Variants in KCNK10 observed in about 807,000 individuals in gnomAD.
KCNK10 encodes the protein potassium channel subfamily K member 10.
In KCNK10, 25 loss-of-function variants were observed where a neutral mutation model predicts 47.7. The observed-to-expected ratio is 0.52, with a 90% confidence interval of 0.38 to 0.73. The LOEUF is 0.73. KCNK10 is among the 30% of genes least tolerant of loss of function. KCNK10 has a pLI of 0.00. For synonymous variants in KCNK10, 303 were observed against 285.6 expected (o/e 1.06, Z -0.61); for missense variants, 563 against 714.5 (o/e 0.79, Z 2.42).
intron 1 of KCNK10, among the ~76,000 whole-genome samples, chr14:88,307,708 G>A (rs556251510): frequency 6.6e-6 from 1 of 152,300 alleles, no homozygotes; most frequent in South Asian, 2.1e-4. Context: ...AAGTCGGTGA[G>A]CTAAACATTA....
At chr14:88,242,858 G>A (rs1248104778) in intron 2 of KCNK10, among the ~76,000 whole-genome samples, 9 of 152,062 alleles carry the variant, frequency 5.9e-5, no homozygotes, top group Admixed American at 3.3e-4. Flanking sequence ...AAATAATACC[G>A]CAGGGAGGGC....
At chr14:88,291,983 G>A (rs1033530156) in intron 1 of KCNK10, among the ~76,000 whole-genome samples, 4 of 152,158 alleles carry the variant, frequency 2.6e-5, no homozygotes, top group Non-Finnish European at 2.9e-5. Flanking sequence ...CTGAGAGGCC[G>A]GGGGTGTCAT....
chr14:88,231,863 T>C (rs762190458), intron 3 of KCNK10, among the ~76,000 whole-genome samples: 2 of 152,264 alleles, frequency 1.3e-5, no homozygotes, highest in Non-Finnish European at 2.9e-5. Context: ...AGTGCTTTGA[T>C]ATCCTCAGAT....
intron 1 of KCNK10, among the ~76,000 whole-genome samples, chr14:88,303,522 A>C (rs1243192912): frequency 1.3e-5 from 2 of 152,056 alleles, no homozygotes; most frequent in Admixed American, 1.3e-4. Flanking sequence ...GCTGGCGGCA[A>C]TGCGGGATCA....
At chr14:88,204,292 C>T (rs1394734307) in intron 4 of KCNK10, among the ~76,000 whole-genome samples, 1 of 152,164 alleles carries the variant, frequency 6.6e-6, no homozygotes, top group African/African-American at 2.4e-5. Context: ...GTCCTTCTTC[C>T]TTTTGGAAAA....
At chr14:88,261,820 C>T (rs1887121029) in intron 2 of KCNK10, among the ~76,000 whole-genome samples, 1 of 151,124 alleles carries the variant, frequency 6.6e-6, no homozygotes, top group Non-Finnish European at 1.5e-5. Flanking sequence ...TCCTATGAAA[C>T]ACTTATATGA....
In KCNK10 at chr14:88,322,629, C is replaced by T. The variant is rs573493310; in HGVS notation, c.52+118G>A. The T allele has an allele frequency of 8.3e-5, 116 of 1,401,176 alleles. No homozygotes were observed. Among genetic ancestry groups the T allele is most frequent in the Admixed American group, 3.2e-4 (18 of 55,822 alleles). 86.8% of individuals were successfully genotyped at this position (1,401,176 alleles called of 1,614,324 possible). Reference sequence around the variant, plus strand: ...TCCCACCCGCGCTGCAGTTCCCAGGCGCATTTCCCAGCCTCAGGACACACG... The same window carrying T: ...TCCCACCCGCGCTGCAGTTCCCAGGTGCATTTCCCAGCCTCAGGACACACG... On this transcript the variant is annotated intron_variant, in intron 1 of 6. Coordinates refer to ENST00000319231, the MANE Select transcript of KCNK10 (RefSeq NM_138317.3). This position sits in a 1 kb window ranked among gnomAD's most constrained non-coding sequence, Gnocchi z 4.8.
At position 88,180,959 on chromosome 14, in the gene KCNK10, C is replaced by G. The variant is rs1294183308; in HGVS notation, c.*4576G>C. 2.0e-5 allele frequency: 8 copies of G among 397,590 alleles called. No individual in the cohort carries two copies. Among genetic ancestry groups the G allele is most frequent in the African/African-American group, 1.0e-4 (5 of 48,624 alleles). 24.6% of individuals were successfully genotyped at this position (397,590 alleles called of 1,614,324 possible). The stretch of plus-strand genomic sequence containing the variant: ...TTTTTAAGGCCATTACTAGCCAGCT[C>G]TTACTGTTCACTCAGCCACTGTCTT... On this transcript the variant is annotated 3_prime_UTR_variant, in exon 7 of 7. Coordinates refer to ENST00000319231, the MANE Select transcript of KCNK10 (RefSeq NM_138317.3).
chr14:88,245,154 C>T (rs1886594390), intron 2 of KCNK10, among the ~76,000 whole-genome samples: 2 of 152,158 alleles, frequency 1.3e-5, no homozygotes, highest in Non-Finnish European at 2.9e-5. Context: ...ATATTATCTT[C>T]CCAGAGGTGT....
At position 88,186,557 on chromosome 14, in the gene KCNK10, C is replaced by A. The variant is rs771189378; in HGVS notation, c.1012-402G>T. On this transcript the variant is annotated intron_variant, in intron 6 of 6. Coordinates refer to ENST00000319231, the MANE Select transcript of KCNK10 (RefSeq NM_138317.3). This position sits in a 1 kb window ranked among gnomAD's most constrained non-coding sequence, Gnocchi z 5.5. The stretch of plus-strand genomic sequence containing the variant: ...GTGACCATATATAGCTCACCTGAGA[C>A]AAGGAAATGCACCTCACTCAGTCCT... Among the ~76,000 whole-genome samples, 4 of 152,148 alleles carry A rather than the reference C, an allele frequency of 2.6e-5. No individual in the cohort carries two copies. The highest frequency in any genetic ancestry group is 2.1e-4 in the South Asian group (1 of 4,828).
At chr14:88,304,298 G>C (rs977360676) in intron 1 of KCNK10, among the ~76,000 whole-genome samples, 18 of 152,084 alleles carry the variant, frequency 1.2e-4, no homozygotes. Flanking sequence ...CTGGGTGACA[G>C]AGCAAGACCC....
intron 4 of KCNK10, among the ~76,000 whole-genome samples, chr14:88,199,971 CTCTT>C (rs540633486): frequency 0.013 from 1,946 of 152,044 alleles, 24 homozygotes; most frequent in Non-Finnish European, 0.019. Flanking sequence ...TTCTTTCTTT[CTCTT>C]TCTTTCTTTC....
chr14:88,267,458 C>T (rs970520452), intron 1 of KCNK10, among the ~76,000 whole-genome samples: 20 of 151,900 alleles, frequency 1.3e-4, no homozygotes, highest in Non-Finnish European at 2.5e-4. Context: ...GCAACCTCCA[C>T]CTCCCGGGTT....
At chr14:88,207,176 T>G (rs994102884) in intron 4 of KCNK10, among the ~76,000 whole-genome samples, 5 of 145,492 alleles carry the variant, frequency 3.4e-5, no homozygotes, top group African/African-American at 5.0e-5. Context: ...CTCTTTTTTT[T>G]TTTTTTTTTT....
chr14:88,217,532 T>C (rs1885660763), intron 4 of KCNK10, among the ~76,000 whole-genome samples: 1 of 152,192 alleles, frequency 6.6e-6, no homozygotes, highest in South Asian at 2.1e-4. Context: ...CTGTTTGAAA[T>C]AATAATTTTT....
chr14:88,250,119 G>GT (rs1332232410), intron 2 of KCNK10, among the ~76,000 whole-genome samples: 1 of 152,084 alleles, frequency 6.6e-6, no homozygotes, highest in East Asian at 1.9e-4. Flanking sequence ...TTTTATGGGA[G>GT]TTTTTTTAGA....
intron 1 of KCNK10, among the ~76,000 whole-genome samples, chr14:88,317,376 A>C (rs964352828): frequency 6.6e-6 from 1 of 152,232 alleles, no homozygotes; most frequent in African/African-American, 2.4e-5. Flanking sequence ...AGCAGAAGGA[A>C]GATCTAAGGG....
chr14:88,288,482 T>G (rs1887813373), intron 1 of KCNK10, among the ~76,000 whole-genome samples: 1 of 152,162 alleles, frequency 6.6e-6, no homozygotes, highest in Non-Finnish European at 1.5e-5. Flanking sequence ...ACATCCTGAT[T>G]TCATTCCACC....
chr14:88,266,232 G>A (rs1005398722), intron 1 of KCNK10, among the ~76,000 whole-genome samples: 4 of 152,210 alleles, frequency 2.6e-5, no homozygotes, highest in Admixed American at 1.3e-4. Flanking sequence ...CACAGACAAC[G>A]TGGATGAGCA....
Sources: gnomAD v4.1 joint callset for allele counts (sites outside exome capture counted in the v4.1 genomes callset) on GRCh38, gnomAD v4.1.1 for gene constraint, Gnocchi (gnomAD v3.1) non-coding constraint, MANE v1.5 for transcripts, NCBI Gene and HGNC (gene_info 2026-07-23, HGNC 2026-07-21) for gene names.